Variants in RARB observed in about 807,000 individuals in gnomAD.
RARB encodes retinoic acid receptor beta.
RARB carries 17 observed loss-of-function variants against 51.9 expected under a neutral mutation model. That is an observed-to-expected ratio of 0.33 (90% CI 0.22 to 0.49). RARB has a LOEUF of 0.49. RARB is among the 20% of genes least tolerant of loss of function. RARB has a pLI of 0.99. For missense variants in RARB, 369 were observed against 550.8 expected (o/e 0.67, Z 3.30); for synonymous variants, 215 against 195.4 (o/e 1.10, Z -0.84).
intron 1 of RARB, among the ~76,000 whole-genome samples, chr3:24,834,430 G>T (rs1336810813): frequency 6.6e-6 from 1 of 152,180 alleles, no homozygotes. Flanking sequence ...GTTGTATACA[G>T]ATTTTTTTGA....
In RARB at chr3:24,951,040, C is replaced by T. The variant is rs62230569; in HGVS notation, c.-380+92288C>T. Among the ~76,000 whole-genome samples the T allele has an allele frequency of 6.4e-3, 981 of 152,242 alleles. 8 individuals are homozygous for T. The highest frequency in any genetic ancestry group is 9.4e-3 in the Non-Finnish European group (639 of 68,016). ...TGAAGGACAAGAAGAGCAGGGCAAG[C>T]TAGTAGGGATCTCTGGGAGTACTTC... is the stretch of plus-strand genomic sequence containing the variant. On this transcript the variant is annotated intron_variant, in intron 2 of 11. Coordinates refer to the RARB transcript ENST00000383772.
intron 2 of RARB, among the ~76,000 whole-genome samples, chr3:24,964,850 C>T (rs1171573006): frequency 2.0e-5 from 3 of 152,156 alleles, no homozygotes; most frequent in African/African-American, 7.2e-5. Flanking sequence ...TATCTAATAG[C>T]AGGGCTATTG....
intron 3 of RARB, among the ~76,000 whole-genome samples, chr3:25,515,039 A>G (rs929345231): frequency 6.6e-6 from 1 of 152,222 alleles, no homozygotes; most frequent in Non-Finnish European, 1.5e-5. Context: ...TCAGGAAGAA[A>G]GGCATCAGGG....
At chr3:24,966,606 ATCTC>A (rs55848511) in intron 2 of RARB, among the ~76,000 whole-genome samples, 28,644 of 140,140 alleles carry the variant, frequency 0.2, 2,964 homozygotes, top group South Asian at 0.32. Flanking sequence ...GTTTACATTC[ATCTC>A]TCTCTCTCTC....
intron 3 of RARB, among the ~76,000 whole-genome samples, chr3:25,550,338 G>A (rs1240996898): frequency 6.6e-6 from 1 of 152,108 alleles, no homozygotes; most frequent in Admixed American, 6.5e-5. Context: ...TAGACTAGGT[G>A]GCTTATAAAT....
At chr3:25,332,151 G>A (rs1704917938) in intron 5 of RARB, among the ~76,000 whole-genome samples, 1 of 152,144 alleles carries the variant, frequency 6.6e-6, no homozygotes, top group African/African-American at 2.4e-5. Flanking sequence ...TAGAAAAAGA[G>A]GGAATCCTCC....
intron 4 of RARB, among the ~76,000 whole-genome samples, chr3:25,152,901 C>G (rs1195888458): frequency 6.6e-6 from 1 of 152,110 alleles, no homozygotes; most frequent in Non-Finnish European, 1.5e-5. Context: ...CCAAGAAAAT[C>G]TAAAACTTCG....
At chr3:25,342,576 C>CT (rs1370585466) in intron 5 of RARB, among the ~76,000 whole-genome samples, 3 of 152,036 alleles carry the variant, frequency 2.0e-5, no homozygotes, top group Non-Finnish European at 4.4e-5. Context: ...TACCAACCTT[C>CT]TTTTTTTTAT....
chr3:24,989,756 C>T (rs1282890038), intron 2 of RARB, among the ~76,000 whole-genome samples: 2 of 75,346 alleles, frequency 2.7e-5, no homozygotes, highest in Non-Finnish European at 5.1e-5. Context: ...TTCATTTTAA[C>T]TGTTGTCATA....
chr3:25,430,938 T>C (rs1708177988), intron 1 of RARB, among the ~76,000 whole-genome samples: 1 of 150,998 alleles, frequency 6.6e-6, no homozygotes, highest in Non-Finnish European at 1.5e-5. Flanking sequence ...TTTATGATGG[T>C]CAGTTGTTCC....
At chr3:25,544,526 C>G (rs536391718) in intron 3 of RARB, among the ~76,000 whole-genome samples, 2 of 152,288 alleles carry the variant, frequency 1.3e-5, no homozygotes, top group East Asian at 1.9e-4. Flanking sequence ...TCATCTCATG[C>G]CCTGTGTTGC....
intron 6 of RARB, 135 bp from the exon 7 acceptor site, chr3:25,594,385 C>T (rs1701731255): frequency 1.0e-6 from 1 of 972,744 alleles, no homozygotes; most frequent in Non-Finnish European, 1.5e-6. Flanking sequence ...AAAGCAACTG[C>T]ATAAGTCTGC....
intron 5 of RARB, among the ~76,000 whole-genome samples, chr3:25,215,403 G>T (rs112227152): frequency 6.6e-6 from 1 of 152,168 alleles, no homozygotes; most frequent in African/African-American, 2.4e-5. Flanking sequence ...ATGTTAAATG[G>T]AAAAGACCAT....
chr3:25,552,867 G>A (rs565499126), intron 3 of RARB, among the ~76,000 whole-genome samples: 1 of 152,192 alleles, frequency 6.6e-6, no homozygotes, highest in South Asian at 2.1e-4. Context: ...GTGAATGGGG[G>A]CTGTTACATC....
rs563783467 is a variant in RARB at position 24,978,737 on chromosome 3, G to A, written c.-379-81388G>A. Among the ~76,000 whole-genome samples, 176 of 149,588 alleles carry A rather than the reference G, an allele frequency of 1.2e-3. 1 individual carries two copies. The highest frequency in any genetic ancestry group is 4.1e-3 in the African/African-American group (166 of 40,440). ...TGATTTTTTTTTTTGAAGGGTTTTT[G>A]TGTCTCTATCTCCTTTAGTTCTGCT... On this transcript the variant is annotated intron_variant, in intron 2 of 11. Transcript: ENST00000383772.
chr3:25,200,288 G>T (rs1401006468), intron 5 of RARB, among the ~76,000 whole-genome samples: 1 of 149,104 alleles, frequency 6.7e-6, no homozygotes, highest in Non-Finnish European at 1.5e-5. Context: ...CTTTCTGGTG[G>T]GTTTTTTTTT....
chr3:25,594,459 A>G, intron 6 of RARB, 61 bp from the exon 7 acceptor site: 1 of 1,483,892 alleles, frequency 6.7e-7, no homozygotes, highest in Non-Finnish European at 9.0e-7. Flanking sequence ...TAAGGAAACA[A>G]GGAAGAGGGG....
intron 5 of RARB, among the ~76,000 whole-genome samples, chr3:25,189,330 G>A (rs961835994): frequency 2.6e-5 from 4 of 151,982 alleles, no homozygotes; most frequent in Admixed American, 6.6e-5. Context: ...CATAGCCTTC[G>A]GGCAATTATC....
chr3:25,349,783 C>G (rs1705504391), intron 5 of RARB, among the ~76,000 whole-genome samples: 2 of 152,254 alleles, frequency 1.3e-5, no homozygotes, highest in East Asian at 1.9e-4. Flanking sequence ...AAACTACCCC[C>G]AACATTCAGT....
Sources: gnomAD v4.1 joint callset for allele counts (sites outside exome capture counted in the v4.1 genomes callset) on GRCh38, gnomAD v4.1.1 for gene constraint, MANE v1.5 for transcripts, NCBI Gene and HGNC (gene_info 2026-07-23, HGNC 2026-07-21) for gene names.